The following DAPK1 variants were observed in gnomAD, a reference collection of about 807,000 sequenced individuals.
The protein encoded by DAPK1 is death-associated protein kinase 1.
A neutral mutation model predicts 144.9 loss-of-function variants in DAPK1; 56 were observed. That is an observed-to-expected ratio of 0.39 (90% CI 0.31 to 0.48). The LOEUF is 0.48. DAPK1 is among the 20% of genes least tolerant of loss of function. The pLI, the probability that DAPK1 is intolerant of heterozygous loss-of-function variation, is 0.95. For synonymous variants in DAPK1, 690 were observed against 749.0 expected, an observed-to-expected ratio of 0.92 and a Z score of 1.29; for missense variants, 1,454 against 1,875.4, an observed-to-expected ratio of 0.78 and a Z score of 4.15.
intron 23 of DAPK1, among the ~76,000 whole-genome samples, chr9:87,699,898 C>T (rs1415079635): frequency 6.6e-6 from 1 of 152,194 alleles, no homozygotes; most frequent in Non-Finnish European, 1.5e-5. Flanking sequence ...GAAGGTCCCG[C>T]TCCTATGACT....
chr9:87,607,331 G>C (rs956539111), intron 3 of DAPK1, among the ~76,000 whole-genome samples: 1 of 152,098 alleles, frequency 6.6e-6, no homozygotes, highest in Non-Finnish European at 1.5e-5. Flanking sequence ...AAAGTGCCTG[G>C]AAAAAGAAAC....
chr9:87,665,992 G>T (rs550786101), intron 18 of DAPK1, among the ~76,000 whole-genome samples: 1 of 152,324 alleles, frequency 6.6e-6, no homozygotes, highest in African/African-American at 2.4e-5. Context: ...GGCAGCAAGT[G>T]TAAGTGTTGC....
chr9:87,551,009 C>G (rs1294924222), intron 2 of DAPK1, among the ~76,000 whole-genome samples: 1 of 152,220 alleles, frequency 6.6e-6, no homozygotes, highest in Non-Finnish European at 1.5e-5. Context: ...AGGCAGAAGG[C>G]CAAGCTGTTG....
chr9:87,574,544 C>T (rs867792), intron 2 of DAPK1, among the ~76,000 whole-genome samples: 35,290 of 152,152 alleles, frequency 0.23, 4,815 homozygotes, highest in Non-Finnish European at 0.32. Context: ...TATTAATTAA[C>T]CATGGCTTAA....
At chr9:87,528,220 T>A (rs1329436216) in intron 2 of DAPK1, among the ~76,000 whole-genome samples, 1 of 1,970 alleles carries the variant, frequency 5.1e-4, no homozygotes, top group Non-Finnish European at 7.7e-4. Flanking sequence ...TCTTTCTTTC[T>A]TTTTTTTTTT....
intron 20 of DAPK1, among the ~76,000 whole-genome samples, chr9:87,682,614 G>C (rs1824678554): frequency 6.6e-6 from 1 of 152,160 alleles, no homozygotes; most frequent in Non-Finnish European, 1.5e-5. Flanking sequence ...TCTGAACACA[G>C]CTATAGAATT....
At chr9:87,546,233 G>A (rs1826245950) in intron 2 of DAPK1, among the ~76,000 whole-genome samples, 2 of 152,170 alleles carry the variant, frequency 1.3e-5, no homozygotes, top group Non-Finnish European at 2.9e-5. Context: ...AAGAGGAGGA[G>A]CATCCCATGT....
chr9:87,647,637 TA>T (rs748428731), intron 14 of DAPK1, among the ~76,000 whole-genome samples: 23 of 152,226 alleles, frequency 1.5e-4, no homozygotes, highest in Non-Finnish European at 2.9e-4. Flanking sequence ...CATTGAATTA[TA>T]ATCCCCATAA....
At chr9:87,625,919 A>G (rs1829474151) in intron 3 of DAPK1, among the ~76,000 whole-genome samples, 1 of 152,208 alleles carries the variant, frequency 6.6e-6, no homozygotes, top group South Asian at 2.1e-4. Context: ...AGAATATGTA[A>G]GGAGTACCCA....
intron 3 of DAPK1, among the ~76,000 whole-genome samples, chr9:87,633,703 C>T (rs1433977896): frequency 1.3e-5 from 2 of 152,078 alleles, no homozygotes; most frequent in Admixed American, 6.6e-5. Flanking sequence ...GAATAAGGCA[C>T]GAGATGACCA....
At chr9:87,514,387 G>A (rs1824966102) in intron 2 of DAPK1, among the ~76,000 whole-genome samples, 1 of 152,212 alleles carries the variant, frequency 6.6e-6, no homozygotes. Flanking sequence ...GACAGACAAT[G>A]GGTATGACCT....
chr9:87,574,323 A>G (rs1260051070), intron 2 of DAPK1, among the ~76,000 whole-genome samples: 3 of 152,320 alleles, frequency 2.0e-5, no homozygotes, highest in Middle Eastern at 3.4e-3. Flanking sequence ...GACCCAAGAC[A>G]CAGTGAAGAT....
chr9:87,523,656 CTTA>C (rs1825382783), intron 2 of DAPK1, among the ~76,000 whole-genome samples: 2 of 152,040 alleles, frequency 1.3e-5, no homozygotes, highest in African/African-American at 4.8e-5. Flanking sequence ...ACTTTGATGG[CTTA>C]TTATGTATGT....
chr9:87,649,356 A>G (rs1830369436), intron 15 of DAPK1, among the ~76,000 whole-genome samples: 2 of 152,192 alleles, frequency 1.3e-5, no homozygotes, highest in South Asian at 2.1e-4. Context: ...CTCACGGTCT[A>G]TAAGGACTTC....
intron 17 of DAPK1, among the ~76,000 whole-genome samples, chr9:87,654,725 T>C (rs1830574692): frequency 6.6e-6 from 1 of 152,176 alleles, no homozygotes; most frequent in Admixed American, 6.5e-5. Flanking sequence ...CTTATTTGAC[T>C]CTCTGTAGAC....
chr9:87,512,343 G>C (rs1824879524), intron 2 of DAPK1, among the ~76,000 whole-genome samples: 1 of 152,130 alleles, frequency 6.6e-6, no homozygotes, highest in South Asian at 2.1e-4. Flanking sequence ...GTGGACACCT[G>C]AGTCCCTGAC....
chr9:87,595,989 T>G (rs538306959), intron 2 of DAPK1, among the ~76,000 whole-genome samples: 40 of 152,266 alleles, frequency 2.6e-4, no homozygotes, highest in African/African-American at 8.4e-4. Context: ...TTTTTAAAAA[T>G]CACCGCTTTG....
intron 2 of DAPK1, among the ~76,000 whole-genome samples, chr9:87,568,411 T>A (rs1827209833): frequency 6.6e-6 from 1 of 152,268 alleles, no homozygotes; most frequent in African/African-American, 2.4e-5. Flanking sequence ...AAAGCAACAC[T>A]CCTTGGTGAA....
intron 11 of DAPK1, among the ~76,000 whole-genome samples, chr9:87,645,069 A>G (rs1048473743): frequency 8.5e-5 from 13 of 152,308 alleles, no homozygotes; most frequent in Middle Eastern, 3.4e-3. Context: ...ATTCTCCCCC[A>G]CAAGCAGAGA....
Sources: gnomAD v4.1 joint callset for allele counts (sites outside exome capture counted in the v4.1 genomes callset) on GRCh38, gnomAD v4.1.1 for gene constraint, MANE v1.5 for transcripts, NCBI Gene and HGNC (gene_info 2026-07-23, HGNC 2026-07-21) for gene names.